The following CWC27 variants were observed in gnomAD, a reference collection of about 807,000 sequenced individuals.
The protein encoded by CWC27 is CWC27 spliceosome associated cyclophilin.
Under a neutral mutation model 63.6 loss-of-function variants are expected in CWC27, and 47 were observed. The ratio of observed to expected loss-of-function variants is 0.74; its 90% CI spans 0.58 to 0.94. CWC27 has a LOEUF of 0.94. CWC27 is among the 40% of genes least tolerant of loss of function. The pLI is 0.00. For missense variants in CWC27, 495 were observed against 554.3 expected, an observed-to-expected ratio of 0.89 and a Z score of 1.07; for synonymous variants, 175 against 179.8, an observed-to-expected ratio of 0.97 and a Z score of 0.22.
intron 11 of CWC27, among the ~76,000 whole-genome samples, chr5:64,889,741 A>G (rs545484803): frequency 6.6e-6 from 1 of 152,314 alleles, no homozygotes; most frequent in African/African-American, 2.4e-5. Context: ...TAAACAAAAA[A>G]TGTGGTGTTT....
intron 2 of CWC27, among the ~76,000 whole-genome samples, chr5:64,780,681 A>G (rs922390790): frequency 5.2e-5 from 3 of 57,710 alleles, no homozygotes; most frequent in African/African-American, 1.3e-4. Flanking sequence ...TCACTTGTAT[A>G]CACACGCGCA....
chr5:64,934,038 G>A (rs894193039), intron 11 of CWC27, among the ~76,000 whole-genome samples: 1 of 152,110 alleles, frequency 6.6e-6, no homozygotes, highest in Non-Finnish European at 1.5e-5. Flanking sequence ...ATAGAGAGAT[G>A]TTTTGAGATT....
chr5:64,817,610 A>G (rs572133187), intron 10 of CWC27, among the ~76,000 whole-genome samples: 167 of 152,254 alleles, frequency 1.1e-3, no homozygotes, highest in African/African-American at 3.5e-3. Context: ...TAATTGTCTT[A>G]TAACAGCAGA....
intron 11 of CWC27, among the ~76,000 whole-genome samples, chr5:64,944,013 T>C (rs1748540553): frequency 2.0e-5 from 3 of 152,096 alleles, no homozygotes; most frequent in Admixed American, 2.0e-4. Context: ...TTTGTAGTCT[T>C]AGGTCAACTC....
At chr5:64,804,459 C>T in intron 10 of CWC27, 73 bp downstream of exon 10, 1 of 1,346,886 alleles carries the variant, frequency 7.4e-7, no homozygotes, top group East Asian at 2.5e-5. Flanking sequence ...ATTGAATCCT[C>T]TCTTCAGCTA....
chr5:64,996,239 A>C (rs1749630037), intron 13 of CWC27, among the ~76,000 whole-genome samples: 1 of 152,132 alleles, frequency 6.6e-6, no homozygotes, highest in African/African-American at 2.4e-5. Context: ...CAGGACATCT[A>C]GGATACCCAC....
intron 10 of CWC27, 132 bp downstream of exon 10, chr5:64,804,518 C>A: frequency 1.1e-6 from 1 of 944,006 alleles, no homozygotes; most frequent in Non-Finnish European, 1.5e-6. Context: ...AACAGTTGTA[C>A]AAATTGGCCC....
At chr5:64,994,316 T>C (rs1360896246) in intron 13 of CWC27, among the ~76,000 whole-genome samples, 1 of 152,196 alleles carries the variant, frequency 6.6e-6, no homozygotes, top group East Asian at 1.9e-4. Context: ...AACATCTCTT[T>C]TGATGGTTAT....
intron 11 of CWC27, among the ~76,000 whole-genome samples, chr5:64,967,280 A>G (rs954858163): frequency 6.6e-6 from 1 of 152,038 alleles, no homozygotes; most frequent in African/African-American, 2.4e-5. Context: ...AGGATGTATT[A>G]TAGACCTCAA....
intron 13 of CWC27, among the ~76,000 whole-genome samples, chr5:64,987,010 GC>G (rs1270659493): frequency 6.6e-6 from 1 of 151,962 alleles, no homozygotes; most frequent in East Asian, 1.9e-4. Flanking sequence ...AACCAGAAGT[GC>G]CCTCCCTTTT....
intron 13 of CWC27, among the ~76,000 whole-genome samples, chr5:65,009,291 C>T (rs1276865507): frequency 6.6e-6 from 1 of 152,174 alleles, no homozygotes. Flanking sequence ...GATCCACCCC[C>T]ATGACCCAAA....
chr5:64,888,758 C>A (rs1018463027), intron 11 of CWC27, among the ~76,000 whole-genome samples: 1 of 151,852 alleles, frequency 6.6e-6, no homozygotes, highest in African/African-American at 2.4e-5. Flanking sequence ...TAAGCAAGAT[C>A]TACCATCTAC....
At chr5:64,999,773 A>C (rs1005106077) in intron 13 of CWC27, among the ~76,000 whole-genome samples, 1 of 152,034 alleles carries the variant, frequency 6.6e-6, no homozygotes, top group Non-Finnish European at 1.5e-5. Flanking sequence ...TTTCTTAGCT[A>C]TTGTAAATAG....
chr5:64,824,024 A>G (rs936973436), intron 10 of CWC27, among the ~76,000 whole-genome samples: 1 of 152,220 alleles, frequency 6.6e-6, no homozygotes, highest in African/African-American at 2.4e-5. Context: ...CAATGTGATT[A>G]TAGATATGTT....
At chr5:64,963,094 A>C (rs536079448) in intron 11 of CWC27, among the ~76,000 whole-genome samples, 427 of 152,212 alleles carry the variant, frequency 2.8e-3, no homozygotes, top group Non-Finnish European at 3.5e-3. Flanking sequence ...AGCTGGGATT[A>C]CAGGCGCCCG....
intron 4 of CWC27, 43 bp from the exon 5 acceptor site, chr5:64,785,438 G>A (rs1027593852): frequency 2.3e-6 from 2 of 886,226 alleles, no homozygotes; most frequent in South Asian, 4.0e-5. Context: ...TTCAAAGGAT[G>A]AGTGCAATAA....
At chr5:64,915,341 C>T (rs950013081) in intron 11 of CWC27, among the ~76,000 whole-genome samples, 20 of 152,002 alleles carry the variant, frequency 1.3e-4, no homozygotes, top group African/African-American at 3.1e-4. Flanking sequence ...GTGATTATCC[C>T]GTAGGGAAAG....
chr5:64,804,326 CA>C lies in CWC27; in HGVS notation c.880del (p.Ser294ValfsTer30). The C allele has an allele frequency of 1.9e-6, 3 of 1,612,878 alleles. No individual in the cohort carries two copies. Among genetic ancestry groups the C allele is most frequent in the Non-Finnish European group, 2.5e-6 (3 of 1,179,508 alleles). On this transcript the variant is annotated frameshift_variant, in exon 10 of 14. Transcript: ENST00000381070. LOFTEE classifies it high-confidence loss of function. ...ERIAKKLKKD[T>X]SANVKSAGEG... ...ATTGCCAAAAAATTAAAAAAGGACA[CA>C]AGTGCGAATGTTAAATCAGCTGGAG... is the stretch of plus-strand genomic sequence containing the variant.
At position 64,913,245 on chromosome 5, in the gene CWC27, A is replaced by G. The variant is rs544225772; in HGVS notation, c.1042+27699A>G. On this transcript the variant is annotated intron_variant, in intron 11 of 13. Coordinates refer to ENST00000381070, the MANE Select transcript of CWC27 (RefSeq NM_005869.4). ...TGTTCTAGCACACTAGAAATAGGAC[A>G]GTAGTATGCCCTACAAAAAACCTAC... Among the ~76,000 whole-genome samples the G allele has an allele frequency of 2.0e-5, 3 of 152,270 alleles. No individual in the cohort carries two copies. In the South Asian group the frequency reaches 6.2e-4, roughly 32 times the overall value.
Sources: allele counts gnomAD v4.1 joint callset (sites outside exome capture counted in the v4.1 genomes callset), GRCh38; gene constraint gnomAD v4.1.1; transcripts MANE v1.5; gene names NCBI Gene and HGNC (gene_info 2026-07-23, HGNC 2026-07-21).